Variants in MGAT5 observed in about 807,000 individuals in gnomAD.
MGAT5 encodes alpha-1,6-mannosylglycoprotein 6-beta-N-acetylglucosaminyltransferase A.
MGAT5 carries 30 observed loss-of-function variants against 94.3 expected under a neutral mutation model. That is an observed-to-expected ratio of 0.32 (90% CI 0.24 to 0.43). The LOEUF (loss-of-function observed/expected upper bound fraction) is 0.43. Ranked by LOEUF, MGAT5 falls within the 20% of genes least tolerant of loss-of-function variation. The probability of loss-of-function intolerance (pLI) is 1.00; values close to 1 mark genes in which losing one functional copy is unlikely to be tolerated. For synonymous variants in MGAT5, 310 were observed against 322.9 expected (o/e 0.96, Z 0.43); for missense variants, 691 against 905.5 (o/e 0.76, Z 3.04).
chr2:134,433,483 T>TA (rs1374592296), intron 14 of MGAT5, among the ~76,000 whole-genome samples: 1 of 152,194 alleles, frequency 6.6e-6, no homozygotes, highest in Non-Finnish European at 1.5e-5. Context: ...TTTGCATGTG[T>TA]AGAGATAATC....
intron 1 of MGAT5, among the ~76,000 whole-genome samples, chr2:134,176,960 G>T (rs1471259491): frequency 6.6e-6 from 1 of 152,204 alleles, no homozygotes; most frequent in African/African-American, 2.4e-5. Flanking sequence ...GACAGGACAT[G>T]TGGGACCAGG....
chr2:134,208,206 G>A (rs1680113472), intron 1 of MGAT5, among the ~76,000 whole-genome samples: 1 of 151,260 alleles, frequency 6.6e-6, no homozygotes. Context: ...CCATATTCAC[G>A]TTACCACCTA....
rs568804561 is a variant in MGAT5 at position 134,159,894 on chromosome 2, G to T, written c.-143+39603G>T. Among the ~76,000 whole-genome samples the T allele has an allele frequency of 1.9e-4, 29 of 152,268 alleles. 1 individual carries two copies. In the South Asian group the frequency reaches 5.8e-3, roughly 31 times the overall value. ...CTCCCTAGAAGATTCAGTTGCTGGCGTGGCATATCTCTTTAAAAGTTCCTT... is the reference window on the plus strand; with the variant it reads ...CTCCCTAGAAGATTCAGTTGCTGGCTTGGCATATCTCTTTAAAAGTTCCTT... On this transcript the variant is annotated intron_variant, in intron 1 of 16. Transcript: ENST00000409645.
At chr2:134,187,049 G>GGCC (rs1471093762) in intron 1 of MGAT5, among the ~76,000 whole-genome samples, 1 of 152,156 alleles carries the variant, frequency 6.6e-6, no homozygotes, top group Non-Finnish European at 1.5e-5. Flanking sequence ...TACCTGCAGG[G>GGCC]GCCTTGAGGC....
rs1156801930 is a variant in MGAT5, at chr2:134,268,756, T to C, written c.242-1630T>C. On this transcript the variant is annotated intron_variant, in intron 1 of 15. Transcript: ENST00000281923. This position sits in a 1 kb window ranked among gnomAD's most constrained non-coding sequence, Gnocchi z 4.1. ...TTATAAATATTAACTCTTTAACTCC[T>C]CTTGACAACCTCAAAGCTGAAGTGT... 6.6e-6 allele frequency among the ~76,000 whole-genome samples: 1 copy of C among 152,220 alleles called. No individual in the cohort carries two copies. The highest frequency in any genetic ancestry group is 1.5e-5 in the Non-Finnish European group (1 of 68,040).
At chr2:134,318,505 C>A in intron 3 of MGAT5, 145 bp from the exon 4 acceptor site, 1 of 651,230 alleles carries the variant, frequency 1.5e-6, no homozygotes, top group Admixed American at 2.4e-5. Flanking sequence ...CTATCTTGAC[C>A]TCGGCTCAGT....
intron 1 of MGAT5, among the ~76,000 whole-genome samples, chr2:134,165,102 A>G (rs572542454): frequency 1.3e-5 from 2 of 152,308 alleles, no homozygotes; most frequent in African/African-American, 4.8e-5. Context: ...CCATTAGTCA[A>G]CTGGCTTTTG....
intron 4 of MGAT5, among the ~76,000 whole-genome samples, chr2:134,332,142 C>A (rs1295081646): frequency 1.3e-5 from 2 of 151,906 alleles, no homozygotes; most frequent in East Asian, 3.9e-4. Context: ...CAATCCTAAG[C>A]CAAAAGAACA....
intron 10 of MGAT5, among the ~76,000 whole-genome samples, chr2:134,391,947 T>A (rs1051005544): frequency 6.6e-6 from 1 of 152,198 alleles, no homozygotes; most frequent in Non-Finnish European, 1.5e-5. Context: ...CAAAGGGCAA[T>A]GTCAAAGTTT....
intron 10 of MGAT5, among the ~76,000 whole-genome samples, chr2:134,380,014 A>G (rs1217326171): frequency 3.3e-5 from 5 of 152,254 alleles, no homozygotes; most frequent in Non-Finnish European, 5.9e-5. Flanking sequence ...TGCTTGGGTC[A>G]TAGGGCTGTA....
chr2:134,204,960 G>C (rs1423191979), intron 1 of MGAT5, among the ~76,000 whole-genome samples: 1 of 152,180 alleles, frequency 6.6e-6, no homozygotes, highest in East Asian at 1.9e-4. Flanking sequence ...AAAGTTGCAG[G>C]TGAGGCTTCA....
At chr2:134,399,998 C>T (rs981301513) in intron 10 of MGAT5, among the ~76,000 whole-genome samples, 1 of 152,186 alleles carries the variant, frequency 6.6e-6, no homozygotes, top group African/African-American at 2.4e-5. Context: ...TCCATGAAGA[C>T]AGAAGGGGAT....
Position 134,226,403 on chromosome 2 carries a change from C to T in MGAT5, c.-142-27859C>T, listed in dbSNP as rs80081762. 4.7e-3 allele frequency among the ~76,000 whole-genome samples: 709 copies of T among 152,274 alleles called. 20 individuals carry two copies. The East Asian group carries it at 0.1, about 22-fold the overall frequency. ...GGGAAACCAGAGTGTTTGCAATCAG[C>T]CTATTGCCTTTTCTTAAAAACTAGA... On this transcript the variant is annotated intron_variant, in intron 1 of 16. Coordinates refer to the MGAT5 transcript ENST00000409645.
intron 1 of MGAT5, among the ~76,000 whole-genome samples, chr2:134,228,120 T>C (rs1681160458): frequency 6.6e-6 from 1 of 152,214 alleles, no homozygotes. Context: ...TAAGGCATAG[T>C]TTCAGAAGGT....
chr2:134,453,612 C>T lies in MGAT5; in HGVS notation c.*4765C>T, dbSNP rs1686209744. 6.6e-6 allele frequency: 1 copy of T among 152,208 alleles called. No individual in the cohort carries two copies. The highest frequency in any genetic ancestry group is 1.5e-5 in the Non-Finnish European group (1 of 68,044). The allele number at this position is 152,208 out of a possible 1,614,324, so 9.4% of individuals were successfully genotyped here. A position where few individuals can be genotyped will look rare whatever the true frequency, so the allele number is the denominator to read the frequency against. On this transcript the variant is annotated 3_prime_UTR_variant, in exon 16 of 16. Coordinates refer to ENST00000281923, the MANE Select transcript of MGAT5 (RefSeq NM_002410.5). ...CCCAGGCAGGTCCCTTTGCCGGCCCCTACAGGCTGGGGTGGCCCCTCCTGT... is the reference window on the plus strand; with the variant it reads ...CCCAGGCAGGTCCCTTTGCCGGCCCTTACAGGCTGGGGTGGCCCCTCCTGT...
At chr2:134,191,183 T>A (rs1689356988) in intron 1 of MGAT5, among the ~76,000 whole-genome samples, 1 of 152,236 alleles carries the variant, frequency 6.6e-6, no homozygotes, top group South Asian at 2.1e-4. Flanking sequence ...TAATAGTTGG[T>A]CGTACCTAAT....
At chr2:134,385,537 G>T (rs1681919074) in intron 10 of MGAT5, among the ~76,000 whole-genome samples, 1 of 152,096 alleles carries the variant, frequency 6.6e-6, no homozygotes. Flanking sequence ...CCTCGCTATG[G>T]CTCCTGACTT....
intron 12 of MGAT5, among the ~76,000 whole-genome samples, chr2:134,416,670 C>G (rs1683990077): frequency 6.6e-6 from 1 of 151,882 alleles, no homozygotes; most frequent in African/African-American, 2.4e-5. Flanking sequence ...TGGGATCTCA[C>G]TGTATTAACT....
chr2:134,275,828 T>A (rs994772780), intron 2 of MGAT5, among the ~76,000 whole-genome samples: 2 of 151,958 alleles, frequency 1.3e-5, no homozygotes, highest in African/African-American at 4.8e-5. Context: ...GCTCAAACGA[T>A]CCTCCCACCT....
Sources: gnomAD v4.1 joint callset for allele counts (sites outside exome capture counted in the v4.1 genomes callset) on GRCh38, gnomAD v4.1.1 for gene constraint, Gnocchi (gnomAD v3.1) non-coding constraint, MANE v1.5 for transcripts, NCBI Gene and HGNC (gene_info 2026-07-23, HGNC 2026-07-21) for gene names.